Variants in EYS observed in about 807,000 individuals in gnomAD.
EYS encodes the protein EGF-like photoreceptor maintenance factor, also known as protein eyes shut homolog.
A neutral mutation model predicts 282.1 loss-of-function variants in EYS; 250 were observed. The ratio of observed to expected loss-of-function variants is 0.89; its 90% CI spans 0.80 to 0.98. The LOEUF is 0.98. EYS is among the 50% of genes least tolerant of loss of function. The probability of loss-of-function intolerance (pLI) is 0.00; values close to 1 mark genes in which losing one functional copy is unlikely to be tolerated. For synonymous variants in EYS, 1,355 were observed against 1,282.9 expected (o/e 1.06, Z -1.20); for missense variants, 4,016 against 3,709.0 (o/e 1.08, Z -2.15).
chr6:65,037,788 T>C (rs1024093957), intron 13 of EYS, among the ~76,000 whole-genome samples: 2 of 151,746 alleles, frequency 1.3e-5, no homozygotes, highest in Non-Finnish European at 3.0e-5. Context: ...CTATACAATC[T>C]TATCCAATCA....
rs190224465 is a variant in EYS, at chr6:64,574,848, T to A, written c.5644+15375A>T. Among the ~76,000 whole-genome samples the A allele has an allele frequency of 3.9e-5, 6 of 152,298 alleles. No individual in the cohort carries two copies. In the East Asian group the frequency reaches 1.2e-3, roughly 29 times the overall value. ...GTTTTTCAAGTATACACAATGATACTTATATGCCTTCAGGTATAAATATTA... is the reference window on the plus strand; with the variant it reads ...GTTTTTCAAGTATACACAATGATACATATATGCCTTCAGGTATAAATATTA... On this transcript the variant is annotated intron_variant, in intron 26 of 42. Coordinates refer to ENST00000503581, the MANE Select transcript of EYS (RefSeq NM_001142800.2).
At chr6:63,975,011 A>G (rs1334084206) in intron 35 of EYS, among the ~76,000 whole-genome samples, 1 of 151,868 alleles carries the variant, frequency 6.6e-6, no homozygotes, top group Non-Finnish European at 1.5e-5. Context: ...TAAAAACCCT[A>G]CAGCTTCAGT....
chr6:65,689,900 C>A (rs1320409273), intron 1 of EYS, among the ~76,000 whole-genome samples: 1 of 149,608 alleles, frequency 6.7e-6, no homozygotes, highest in South Asian at 2.2e-4. Context: ...CAGACACACA[C>A]AAGATAGTGA....
intron 32 of EYS, among the ~76,000 whole-genome samples, chr6:64,067,564 G>A (rs1771417844): frequency 6.6e-6 from 1 of 152,048 alleles, no homozygotes; most frequent in Admixed American, 6.6e-5. Context: ...AAAATATCTT[G>A]AGAGACCATA....
At chr6:64,824,072 T>A (rs1764977956) in intron 19 of EYS, among the ~76,000 whole-genome samples, 1 of 151,828 alleles carries the variant, frequency 6.6e-6, no homozygotes, top group South Asian at 2.1e-4. Flanking sequence ...CTAGAGTGAG[T>A]TACAGATCCT....
intron 31 of EYS, among the ~76,000 whole-genome samples, chr6:64,226,385 A>T (rs1429149363): frequency 1.3e-5 from 2 of 152,146 alleles, no homozygotes; most frequent in Non-Finnish European, 2.9e-5. Context: ...CTTGCTGTTA[A>T]TGTACGGCAT....
chr6:64,997,216 T>C (rs1238257248), intron 14 of EYS, among the ~76,000 whole-genome samples: 2 of 152,146 alleles, frequency 1.3e-5, no homozygotes, highest in African/African-American at 4.8e-5. Context: ...ATGAAATACA[T>C]GTGTGAATGT....
Position 63,864,360 on chromosome 6 carries a change from T to C in EYS, c.7056-2A>G, listed in dbSNP as rs1772621012. On this transcript the variant is annotated splice_acceptor_variant, in intron 35 of 42. Transcript: ENST00000503581. LOFTEE classifies it high-confidence loss of function. The stretch of plus-strand genomic sequence containing the variant: ...TCACAAAACAGATTTTCATTATCAC[T>C]GAGAAGGGAAAAAATTTAAAAATTC... 1.9e-6 allele frequency: 3 copies of C among 1,548,836 alleles called. No homozygotes were observed. The highest frequency in any genetic ancestry group is 2.6e-6 in the Non-Finnish European group (3 of 1,145,104).
intron 35 of EYS, among the ~76,000 whole-genome samples, chr6:63,951,855 T>A (rs1765609194): frequency 6.6e-6 from 1 of 152,204 alleles, no homozygotes; most frequent in Non-Finnish European, 1.5e-5. Context: ...ATTTCATGGC[T>A]TGTTTGGTAG....
intron 26 of EYS, among the ~76,000 whole-genome samples, chr6:64,439,683 A>T (rs1329008685): frequency 1.3e-5 from 2 of 151,888 alleles, no homozygotes; most frequent in African/African-American, 4.8e-5. Context: ...TATATAAGAT[A>T]TTGATACAAA....
At chr6:64,708,129 G>T (rs1386541226) in intron 22 of EYS, among the ~76,000 whole-genome samples, 1 of 152,170 alleles carries the variant, frequency 6.6e-6, no homozygotes, top group Non-Finnish European at 1.5e-5. Flanking sequence ...AGTATAAGAT[G>T]TGAGTAACAC....
chr6:64,271,854 T>C (rs1215998023), intron 30 of EYS, among the ~76,000 whole-genome samples: 3 of 152,104 alleles, frequency 2.0e-5, no homozygotes, highest in Non-Finnish European at 4.4e-5. Flanking sequence ...TTATTTATTT[T>C]TTTGAGACAG....
chr6:65,119,836 T>C (rs1421954805), intron 12 of EYS, among the ~76,000 whole-genome samples: 1 of 151,792 alleles, frequency 6.6e-6, no homozygotes, highest in Non-Finnish European at 1.5e-5. Flanking sequence ...CATTCCAGCC[T>C]GGGTGACAGA....
chr6:64,574,102 A>C (rs1239127907), intron 26 of EYS, among the ~76,000 whole-genome samples: 2 of 152,214 alleles, frequency 1.3e-5, no homozygotes, highest in Non-Finnish European at 1.5e-5. Context: ...AGCCATAAAA[A>C]AGGATGAGTT....
At chr6:64,883,877 C>T (rs1375954199) in intron 19 of EYS, among the ~76,000 whole-genome samples, 1 of 151,354 alleles carries the variant, frequency 6.6e-6, no homozygotes, top group Non-Finnish European at 1.5e-5. Flanking sequence ...ATTAAAAATA[C>T]TCTAGATAAA....
chr6:64,878,510 T>C (rs1404006169), intron 19 of EYS, among the ~76,000 whole-genome samples: 2 of 152,090 alleles, frequency 1.3e-5, no homozygotes, highest in African/African-American at 2.4e-5. Flanking sequence ...GGAAATTCAA[T>C]TGATTCAGAA....
intron 12 of EYS, among the ~76,000 whole-genome samples, chr6:65,097,610 T>C (rs1340344992): frequency 6.6e-6 from 1 of 150,870 alleles, no homozygotes; most frequent in Non-Finnish European, 1.5e-5. Flanking sequence ...TGTCTATTGA[T>C]GATAAAATGA....
At chr6:64,281,929 G>A (rs1348364606) in intron 30 of EYS, among the ~76,000 whole-genome samples, 1 of 152,028 alleles carries the variant, frequency 6.6e-6, no homozygotes, top group East Asian at 1.9e-4. Context: ...GGAGTAGAGG[G>A]GAAATTTTTG....
intron 22 of EYS, among the ~76,000 whole-genome samples, chr6:64,758,454 A>G (rs1436682479): frequency 6.6e-6 from 1 of 152,058 alleles, no homozygotes; most frequent in African/African-American, 2.4e-5. Flanking sequence ...TTGATTAGAG[A>G]CATGACTAGA....
Sources: gnomAD v4.1 joint callset for allele counts (sites outside exome capture counted in the v4.1 genomes callset) on GRCh38, gnomAD v4.1.1 for gene constraint, MANE v1.5 for transcripts, NCBI Gene and HGNC (gene_info 2026-07-23, HGNC 2026-07-21) for gene names.